The following GRIK2 variants were observed in gnomAD, a reference collection of about 807,000 sequenced individuals.
The protein encoded by GRIK2 is glutamate receptor ionotropic, kainate 2.
In GRIK2, 32 loss-of-function variants were observed where a neutral mutation model predicts 100.3. That is an observed-to-expected ratio of 0.32 (90% confidence interval 0.24 to 0.43). The LOEUF (loss-of-function observed/expected upper bound fraction) is 0.43. Ranked by LOEUF, GRIK2 falls within the 20% of genes least tolerant of loss-of-function variation. The pLI is 1.00. For missense variants in GRIK2, 843 were observed against 1,114.9 expected (o/e 0.76, Z 3.47); for synonymous variants, 417 against 389.4 (o/e 1.07, Z -0.83).
At chr6:101,891,963 T>A (rs955271693) in intron 12 of GRIK2, among the ~76,000 whole-genome samples, 1 of 152,144 alleles carries the variant, frequency 6.6e-6, no homozygotes, top group Non-Finnish European at 1.5e-5. Context: ...GATTAAGCAA[T>A]TCAGTGCCTA....
intron 14 of GRIK2, among the ~76,000 whole-genome samples, chr6:101,980,303 C>T (rs1793637019): frequency 6.6e-6 from 1 of 151,990 alleles, no homozygotes; most frequent in Admixed American, 6.6e-5. Context: ...TACCATTTTA[C>T]TTATCCAACT....
In GRIK2 at chr6:101,676,720, C is replaced by T. The variant is rs1010734366; in HGVS notation, c.639C>T (p.Pro213=). The T allele has an allele frequency of 6.2e-7, 1 of 1,607,390 alleles. No homozygotes were observed. Among genetic ancestry groups the T allele is most frequent in the African/African-American group, 1.3e-5 (1 of 74,738 alleles). ...QLPADTKDAK[P]LLKEMKRGKE... ...CTGCTGATACAAAGGATGCAAAACC[C>T]TTACTAAAAGAAATGAAAAGAGGCA... Residue 213 remains proline, a synonymous_variant, in exon 5 of 17, where the codon CCC becomes CCT. Transcript: ENST00000369134.
intron 4 of GRIK2, among the ~76,000 whole-genome samples, chr6:101,634,339 G>A (rs1050431466): frequency 2.0e-5 from 3 of 152,040 alleles, no homozygotes; most frequent in Non-Finnish European, 2.9e-5. Context: ...CTAATCAGTG[G>A]CACATTTACC....
intron 14 of GRIK2, among the ~76,000 whole-genome samples, chr6:101,945,356 G>A (rs901219577): frequency 1.3e-5 from 2 of 152,088 alleles, no homozygotes; most frequent in African/African-American, 4.8e-5. Flanking sequence ...TTAAAATCCA[G>A]TAAATTCAAA....
At chr6:101,409,250 A>G (rs1470280424) in intron 2 of GRIK2, among the ~76,000 whole-genome samples, 1 of 151,932 alleles carries the variant, frequency 6.6e-6, no homozygotes, top group Non-Finnish European at 1.5e-5. Flanking sequence ...ATTGCCTGCC[A>G]TATCCAGCAG....
At chr6:101,716,539 G>C (rs1172779825) in intron 7 of GRIK2, among the ~76,000 whole-genome samples, 1 of 142,868 alleles carries the variant, frequency 7.0e-6, no homozygotes, top group Non-Finnish European at 1.5e-5. Flanking sequence ...CCTATGGAGA[G>C]ACAATGCTTT....
At chr6:101,842,608 CT>C (rs528289043) in intron 10 of GRIK2, among the ~76,000 whole-genome samples, 1 of 151,918 alleles carries the variant, frequency 6.6e-6, no homozygotes, top group Non-Finnish European at 1.5e-5. Context: ...ATTCAAAAAA[CT>C]TTTTTTTATT....
chr6:101,707,768 T>C (rs1224928166), intron 7 of GRIK2, among the ~76,000 whole-genome samples: 1 of 151,446 alleles, frequency 6.6e-6, no homozygotes, highest in Non-Finnish European at 1.5e-5. Context: ...ATTTGATGTA[T>C]AGTCTTTGAT....
chr6:101,777,628 A>G (rs1179659508), intron 7 of GRIK2, among the ~76,000 whole-genome samples: 2 of 152,218 alleles, frequency 1.3e-5, no homozygotes, highest in Non-Finnish European at 2.9e-5. Flanking sequence ...AAAAAGGTCA[A>G]GTCAGTGAAA....
At chr6:101,961,058 A>G (rs571413942) in intron 14 of GRIK2, among the ~76,000 whole-genome samples, 1 of 152,268 alleles carries the variant, frequency 6.6e-6, no homozygotes, top group South Asian at 2.1e-4. Flanking sequence ...GAGAGGTTAT[A>G]GTGAAAGCCT....
intron 14 of GRIK2, among the ~76,000 whole-genome samples, chr6:101,979,256 A>G (rs752056143): frequency 2.5e-4 from 38 of 151,976 alleles, no homozygotes; most frequent in Non-Finnish European, 1.8e-4. Flanking sequence ...AGTAATGGCA[A>G]TGCTCAGGTT....
At chr6:101,539,510 A>G (rs1775883272) in intron 2 of GRIK2, among the ~76,000 whole-genome samples, 1 of 151,848 alleles carries the variant, frequency 6.6e-6, no homozygotes, top group Non-Finnish European at 1.5e-5. Flanking sequence ...AATTGCCTAA[A>G]GTTTTAAAGT....
At chr6:101,792,095 G>A (rs1319475315) in intron 7 of GRIK2, among the ~76,000 whole-genome samples, 1 of 151,782 alleles carries the variant, frequency 6.6e-6, no homozygotes, top group Non-Finnish European at 1.5e-5. Context: ...TTGAGCCTAT[G>A]TGTGTCTCTG....
chr6:101,523,566 A>G (rs1482990004), intron 2 of GRIK2, among the ~76,000 whole-genome samples: 3 of 152,152 alleles, frequency 2.0e-5, no homozygotes, highest in African/African-American at 7.2e-5. Flanking sequence ...GGGCACATTG[A>G]AAAGGGCAGA....
intron 14 of GRIK2, among the ~76,000 whole-genome samples, chr6:102,027,566 TG>T (rs1769768763): frequency 1.2e-5 from 1 of 80,448 alleles, no homozygotes; most frequent in Non-Finnish European, 3.2e-5. Flanking sequence ...GTGGATGTGT[TG>T]TTGTTATGAC....
intron 2 of GRIK2, among the ~76,000 whole-genome samples, chr6:101,555,324 T>A (rs771019088): frequency 2.0e-5 from 3 of 152,296 alleles, no homozygotes; most frequent in Non-Finnish European, 4.4e-5. Flanking sequence ...GTTGTAATTA[T>A]AGGGTCGTTG....
At chr6:101,847,283 A>C (rs987351059) in intron 10 of GRIK2, among the ~76,000 whole-genome samples, 1 of 152,018 alleles carries the variant, frequency 6.6e-6, no homozygotes, top group Non-Finnish European at 1.5e-5. Flanking sequence ...AGTTTCTATT[A>C]ATTTCTTTGT....
chr6:101,525,995 A>G (rs1008801175), intron 2 of GRIK2, among the ~76,000 whole-genome samples: 13 of 152,214 alleles, frequency 8.5e-5, no homozygotes, highest in African/African-American at 2.7e-4. Context: ...ATAGCAACAT[A>G]TATCAGGATC....
At chr6:101,711,905 C>T (rs1321835244) in intron 7 of GRIK2, among the ~76,000 whole-genome samples, 3 of 151,702 alleles carry the variant, frequency 2.0e-5, no homozygotes, top group African/African-American at 4.8e-5. Flanking sequence ...TTATACGTGA[C>T]ATTTAGAAAA....
Sources: allele counts gnomAD v4.1 joint callset (sites outside exome capture counted in the v4.1 genomes callset), GRCh38; gene constraint gnomAD v4.1.1; transcripts MANE v1.5; gene names NCBI Gene and HGNC (gene_info 2026-07-23, HGNC 2026-07-21).